Variants in TOX observed in about 807,000 individuals in gnomAD.
The protein encoded by TOX is thymocyte selection associated high mobility group box.
In TOX, 11 loss-of-function variants were observed where a neutral mutation model predicts 53.7. The observed-to-expected ratio is 0.20, with a 90% CI of 0.13 to 0.34. The LOEUF is 0.34. Ranked by LOEUF, TOX falls within the 10% of genes least tolerant of loss-of-function variation. The pLI is 1.00. For missense variants in TOX, 570 were observed against 664.6 expected (o/e 0.86, Z 1.56); for synonymous variants, 225 against 245.3 (o/e 0.92, Z 0.77).
At chr8:58,847,999 T>C (rs950108406) in intron 4 of TOX, among the ~76,000 whole-genome samples, 1 of 152,062 alleles carries the variant, frequency 6.6e-6, no homozygotes, top group African/African-American at 2.4e-5. Context: ...GAAATATATA[T>C]GTGAATAAAT....
intron 1 of TOX, among the ~76,000 whole-genome samples, chr8:58,971,517 CT>C (rs1813002398): frequency 6.6e-6 from 1 of 152,184 alleles, no homozygotes; most frequent in Non-Finnish European, 1.5e-5. Context: ...TTATAAAGCA[CT>C]ATACATATGG....
intron 1 of TOX, among the ~76,000 whole-genome samples, chr8:59,046,463 A>T (rs1803683316): frequency 6.6e-6 from 1 of 152,252 alleles, no homozygotes; most frequent in African/African-American, 2.4e-5. Context: ...ACTAAATAAT[A>T]ACCTAGGTGT....
intron 1 of TOX, among the ~76,000 whole-genome samples, chr8:59,024,134 T>G (rs558540834): frequency 6.6e-6 from 1 of 152,200 alleles, no homozygotes; most frequent in African/African-American, 2.4e-5. Flanking sequence ...GATTATAAAC[T>G]TCTTGATGGC....
At chr8:58,876,421 G>A (rs769644777) in intron 3 of TOX, among the ~76,000 whole-genome samples, 26 of 152,100 alleles carry the variant, frequency 1.7e-4, no homozygotes, top group Non-Finnish European at 3.2e-4. Context: ...ACTATTTTAC[G>A]CATTCATTAA....
chr8:59,006,549 A>C (rs987631311), intron 1 of TOX, among the ~76,000 whole-genome samples: 10 of 152,204 alleles, frequency 6.6e-5, no homozygotes, highest in African/African-American at 2.2e-4. Context: ...GTCAAGGACT[A>C]CTGGATCACA....
chr8:59,035,889 T>C (rs1814448836), intron 1 of TOX, among the ~76,000 whole-genome samples: 1 of 152,226 alleles, frequency 6.6e-6, no homozygotes, highest in African/African-American at 2.4e-5. Context: ...TTCACATATG[T>C]GAACTCATTT....
chr8:58,965,904 T>TG (rs1554534052), intron 1 of TOX, among the ~76,000 whole-genome samples: 5 of 144,454 alleles, frequency 3.5e-5, no homozygotes, highest in Admixed American at 7.0e-5. Flanking sequence ...GTTTTTTTTT[T>TG]TTTTTTTTTT....
At chr8:58,890,776 G>A (rs1811547335) in intron 3 of TOX, among the ~76,000 whole-genome samples, 1 of 152,158 alleles carries the variant, frequency 6.6e-6, no homozygotes, top group African/African-American at 2.4e-5. Flanking sequence ...CATGGAACTT[G>A]AGGTTGAAAA....
intron 1 of TOX, among the ~76,000 whole-genome samples, chr8:59,057,251 T>C (rs1803902816): frequency 6.6e-6 from 1 of 152,140 alleles, no homozygotes; most frequent in South Asian, 2.1e-4. Context: ...GCTATAAAAT[T>C]TTCTGTTACA....
At position 58,978,458 on chromosome 8, in the gene TOX, T is replaced by C. The variant is rs570646371; in HGVS notation, c.103-18450A>G. Among the ~76,000 whole-genome samples the C allele has an allele frequency of 3.3e-5, 5 of 152,342 alleles. No homozygotes were observed. The East Asian group carries it at 9.6e-4, about 29-fold the overall frequency. The stretch of plus-strand genomic sequence containing the variant: ...CTTTGCAAGGAATATGCACGCACAG[T>C]GGTCTTAGACCATCTTAGACAACAT... On this transcript the variant is annotated intron_variant, in intron 1 of 8. Transcript: ENST00000361421.
chr8:59,056,083 G>A (rs1226993804), intron 1 of TOX, among the ~76,000 whole-genome samples: 1 of 152,016 alleles, frequency 6.6e-6, no homozygotes, highest in East Asian at 1.9e-4. Flanking sequence ...AGTAAAAAAT[G>A]AATAATTTTA....
chr8:58,823,543 T>G (rs920440192), intron 6 of TOX, among the ~76,000 whole-genome samples: 6 of 152,220 alleles, frequency 3.9e-5, no homozygotes, highest in African/African-American at 1.4e-4. Context: ...TATTTTTAAA[T>G]GGAAGAAGTA....
At chr8:58,956,113 C>A (rs1812704119) in intron 2 of TOX, among the ~76,000 whole-genome samples, 1 of 152,132 alleles carries the variant, frequency 6.6e-6, no homozygotes. Context: ...ACTGAAAAAT[C>A]AAATAAAATA....
intron 1 of TOX, among the ~76,000 whole-genome samples, chr8:58,984,905 C>G (rs978775518): frequency 6.6e-6 from 1 of 150,676 alleles, no homozygotes; most frequent in Non-Finnish European, 1.5e-5. Context: ...GTAGAAAACA[C>G]GATGGCAGTT....
intron 1 of TOX, among the ~76,000 whole-genome samples, chr8:59,076,427 G>A (rs1804293680): frequency 6.6e-6 from 1 of 152,226 alleles, no homozygotes; most frequent in Non-Finnish European, 1.5e-5. Context: ...TATGCTGAAA[G>A]AGAATTTTCA....
intron 3 of TOX, among the ~76,000 whole-genome samples, chr8:58,893,453 A>C (rs1811592112): frequency 6.6e-6 from 1 of 152,214 alleles, no homozygotes; most frequent in African/African-American, 2.4e-5. Context: ...ATCTAGTGAT[A>C]GTGTTTTCAA....
At chr8:58,988,465 G>T (rs755102695) in intron 1 of TOX, among the ~76,000 whole-genome samples, 1 of 152,158 alleles carries the variant, frequency 6.6e-6, no homozygotes, top group Non-Finnish European at 1.5e-5. Context: ...GCATTTACTA[G>T]TCGGTCCTTT....
intron 3 of TOX, among the ~76,000 whole-genome samples, chr8:58,866,372 A>T (rs1001644556): frequency 4.6e-5 from 7 of 152,234 alleles, no homozygotes; most frequent in Non-Finnish European, 1.5e-5. Flanking sequence ...TAGGATTTAC[A>T]TAATTACCAG....
In TOX at chr8:58,851,683, C is replaced by T; in HGVS notation, c.534G>A (p.Gln178=). 1.2e-6 allele frequency: 2 copies of T among 1,613,674 alleles called. No individual in the cohort carries two copies. Among genetic ancestry groups the T allele is most frequent in the South Asian group, 1.1e-5 (1 of 91,078 alleles). ...RQQPGMMPHG[Q]LTTINQSQLS... is the part of the protein sequence containing the mutation. ...GCTGTGACTGGTTAATGGTAGTCAG[C>T]TGGCCATGTGGCATCATTCCTGGCT... is the stretch of plus-strand genomic sequence containing the variant. The change falls in exon 4 of 9, where the codon CAG becomes CAA. Residue 178 remains glutamine (Q), a synonymous_variant. Coordinates refer to ENST00000361421, the MANE Select transcript of TOX (RefSeq NM_014729.3). This position sits in a 1 kb window ranked among gnomAD's most constrained non-coding sequence, Gnocchi z 4.4.
Sources: gnomAD v4.1 joint callset for allele counts (sites outside exome capture counted in the v4.1 genomes callset) on GRCh38, gnomAD v4.1.1 for gene constraint, Gnocchi (gnomAD v3.1) non-coding constraint, MANE v1.5 for transcripts, NCBI Gene and HGNC (gene_info 2026-07-23, HGNC 2026-07-21) for gene names.